SORCS2: variants seen among roughly 807,000 people sequenced by gnomAD.
SORCS2 encodes the protein VPS10 domain-containing receptor SorCS2.
SORCS2 carries 100 observed loss-of-function variants against 141.6 expected under a neutral mutation model. The ratio of observed to expected loss-of-function variants is 0.71; its 90% CI spans 0.60 to 0.83. The LOEUF is 0.83. Ranked by LOEUF, SORCS2 falls within the 40% of genes least tolerant of loss-of-function variation. The pLI is 0.00. For missense variants in SORCS2, 1,646 were observed against 1,560.2 expected, an observed-to-expected ratio of 1.05 and a Z score of -0.93; for synonymous variants, 789 against 676.9, an observed-to-expected ratio of 1.17 and a Z score of -2.57.
intron 3 of SORCS2, among the ~76,000 whole-genome samples, chr4:7,605,826 G>A (rs988576007): frequency 6.6e-6 from 1 of 152,098 alleles, no homozygotes; most frequent in South Asian, 2.1e-4. Flanking sequence ...GGGAACAGCT[G>A]GATTACAGAG....
chr4:7,358,597 A>G (rs1721399958), intron 1 of SORCS2, among the ~76,000 whole-genome samples: 1 of 152,186 alleles, frequency 6.6e-6, no homozygotes, highest in Admixed American at 6.5e-5. Context: ...TTGACCCACC[A>G]TGCATGACTC....
intron 3 of SORCS2, among the ~76,000 whole-genome samples, chr4:7,628,009 C>T (rs529312272): frequency 3.8e-4 from 58 of 152,330 alleles, no homozygotes; most frequent in Admixed American, 7.2e-4. Flanking sequence ...GGCACAGCCC[C>T]GGGCCTGCCT....
intron 9 of SORCS2, among the ~76,000 whole-genome samples, chr4:7,680,580 C>G (rs918751863): frequency 2.0e-5 from 3 of 152,256 alleles, no homozygotes; most frequent in African/African-American, 7.2e-5. Context: ...GAAGCTTCTT[C>G]TGCAGAGAGG....
At chr4:7,268,470 G>T (rs146948105) in intron 1 of SORCS2, among the ~76,000 whole-genome samples, 1 of 152,184 alleles carries the variant, frequency 6.6e-6, no homozygotes, top group Non-Finnish European at 1.5e-5. Flanking sequence ...TCAAACTGAA[G>T]GAAGCTGTGC....
At chr4:7,416,136 G>A (rs181054841) in intron 2 of SORCS2, among the ~76,000 whole-genome samples, 21 of 152,292 alleles carry the variant, frequency 1.4e-4, no homozygotes, top group Admixed American at 3.3e-4. Context: ...TGTGCCGGCC[G>A]GAGGGGCCTG....
At chr4:7,241,209 G>A (rs551378943) in intron 1 of SORCS2, among the ~76,000 whole-genome samples, 4 of 152,318 alleles carry the variant, frequency 2.6e-5, no homozygotes, top group East Asian at 1.9e-4. Flanking sequence ...AAAGTGCTGG[G>A]ATTACAGGCA....
chr4:7,494,022 C>T (rs1560330517), intron 2 of SORCS2, among the ~76,000 whole-genome samples: 1 of 136,946 alleles, frequency 7.3e-6, no homozygotes, highest in African/African-American at 2.8e-5. Context: ...CACACATTCA[C>T]ACACACACAC....
At chr4:7,538,587 T>TCACACACACACACACACACACACACA (rs34526550) in intron 3 of SORCS2, among the ~76,000 whole-genome samples, 26 of 150,688 alleles carry the variant, frequency 1.7e-4, no homozygotes, top group African/African-American at 6.3e-4. Context: ...AATATTAAAA[T>TCACACACACACACACACACACACACA]CACACACACA....
chr4:7,356,144 T>C lies in SORCS2; in HGVS notation c.481-40144T>C, dbSNP rs548510926. ...AATGATCATCTGTCAGAGAGGCTCT[T>C]TCTCCTGCCCCCTGGCCCTCAGGGC... On this transcript the variant is annotated intron_variant, in intron 1 of 26. Transcript: ENST00000507866. Among the ~76,000 whole-genome samples, 9 of 152,360 alleles carry C rather than the reference T, an allele frequency of 5.9e-5. 1 individual carries two copies. The East Asian group carries it at 1.7e-3, about 29-fold the overall frequency.
At chr4:7,310,148 G>A (rs1718093141) in intron 1 of SORCS2, among the ~76,000 whole-genome samples, 2 of 152,228 alleles carry the variant, frequency 1.3e-5, no homozygotes, top group African/African-American at 4.8e-5. Context: ...AGTCATGCTT[G>A]TGCGTGGAGA....
intron 1 of SORCS2, among the ~76,000 whole-genome samples, chr4:7,376,382 G>A (rs1722656951): frequency 6.6e-6 from 1 of 152,094 alleles, no homozygotes; most frequent in South Asian, 2.1e-4. Context: ...TTTGAGAGCA[G>A]CCTGGCCAAC....
intron 1 of SORCS2, among the ~76,000 whole-genome samples, chr4:7,269,419 C>T (rs949206665): frequency 1.3e-5 from 2 of 152,194 alleles, no homozygotes; most frequent in Non-Finnish European, 2.9e-5. Context: ...CTAACCCCTC[C>T]CAGTATCTGT....
chr4:7,455,965 A>C (rs913309104), intron 2 of SORCS2, among the ~76,000 whole-genome samples: 1 of 152,170 alleles, frequency 6.6e-6, no homozygotes, highest in African/African-American at 2.4e-5. Context: ...CTTAAACAAG[A>C]GTAATTCCTT....
intron 4 of SORCS2, among the ~76,000 whole-genome samples, chr4:7,647,471 G>C (rs560958586): frequency 5.3e-5 from 8 of 152,276 alleles, no homozygotes; most frequent in Admixed American, 3.9e-4. Flanking sequence ...CATCCCTGAA[G>C]ACACCGTGGA....
At chr4:7,593,862 G>A (rs549235840) in intron 3 of SORCS2, among the ~76,000 whole-genome samples, 68 of 152,158 alleles carry the variant, frequency 4.5e-4, no homozygotes, top group Non-Finnish European at 8.1e-4. Flanking sequence ...TGCCCCTCTC[G>A]GGAGCCCTGG....
intron 2 of SORCS2, chr4:7,433,990 C>A: frequency 5.0e-6 from 8 of 1,613,736 alleles, no homozygotes; most frequent in African/African-American, 1.3e-5. Flanking sequence ...CACGTTCATG[C>A]ACACCTCACA....
At chr4:7,452,631 A>G (rs969743454) in intron 2 of SORCS2, among the ~76,000 whole-genome samples, 3 of 152,322 alleles carry the variant, frequency 2.0e-5, no homozygotes, top group Admixed American at 6.5e-5. Flanking sequence ...GGCACGGGCA[A>G]TGTCCGGGCC....
chr4:7,532,867 G>A (rs1029035641), intron 3 of SORCS2, among the ~76,000 whole-genome samples: 2 of 152,138 alleles, frequency 1.3e-5, no homozygotes, highest in Non-Finnish European at 2.9e-5. Context: ...GGAGCTTCCA[G>A]CTGGACAGAC....
chr4:7,447,786 C>T lies in SORCS2; in HGVS notation c.548+51431C>T, dbSNP rs186718299. Among the ~76,000 whole-genome samples the T allele has an allele frequency of 6.6e-5, 10 of 152,296 alleles. No individual in the cohort carries two copies. In the East Asian group the frequency reaches 1.9e-3, roughly 29 times the overall value. On this transcript the variant is annotated intron_variant, in intron 2 of 26. Coordinates refer to ENST00000507866, the MANE Select transcript of SORCS2 (RefSeq NM_020777.3). ...TGGAATTATGAAACAAACTACGACC[C>T]AGGATGGAACGGAGCCTGTGCATCC...
Sources: gnomAD v4.1 joint callset for allele counts (sites outside exome capture counted in the v4.1 genomes callset) on GRCh38, gnomAD v4.1.1 for gene constraint, MANE v1.5 for transcripts, NCBI Gene and HGNC (gene_info 2026-07-23, HGNC 2026-07-21) for gene names.